MAP3K15: variants seen among roughly 807,000 people sequenced by gnomAD.
The protein encoded by MAP3K15 is mitogen-activated protein kinase kinase kinase 15.
Under a neutral mutation model 99.5 loss-of-function variants are expected in MAP3K15, and 124 were observed. That is an observed-to-expected ratio of 1.25 (90% CI 1.08 to 1.45). The LOEUF (loss-of-function observed/expected upper bound fraction) is 1.45, where lower values mean the gene tolerates loss of function less well. MAP3K15 is among the 40% of genes most tolerant of loss of function. The pLI, the probability that MAP3K15 is intolerant of heterozygous loss-of-function variation, is 0.00. For synonymous variants in MAP3K15, 494 were observed against 439.6 expected (o/e 1.12, Z -1.55); for missense variants, 1,242 against 1,079.7 (o/e 1.15, Z -2.11).
intron 11 of MAP3K15, among the ~76,000 whole-genome samples, chrX:19,410,895 T>C (rs759588902): frequency 2.7e-5 from 3 of 111,436 alleles, no homozygotes; most frequent in African/African-American, 9.8e-5. Flanking sequence ...GGAAAATCCA[T>C]TTGGGCCAGG....
At chrX:19,376,368 C>A (rs1443894397) in intron 19 of MAP3K15, among the ~76,000 whole-genome samples, 1 of 110,657 alleles carries the variant, frequency 9.0e-6, no homozygotes, top group Non-Finnish European at 1.9e-5. Flanking sequence ...ATGCACCCCC[C>A]TCTCTCCTCT....
chrX:19,467,967 C>T (rs766821954), intron 3 of MAP3K15, among the ~76,000 whole-genome samples: 16 of 111,821 alleles, frequency 1.4e-4, no homozygotes, highest in Admixed American at 1.3e-3. Flanking sequence ...GCTGTTGCCC[C>T]CAGCCAGCAC....
At chrX:19,463,473 C>A (rs182025773) in intron 4 of MAP3K15, among the ~76,000 whole-genome samples, 1 of 111,646 alleles carries the variant, frequency 9.0e-6, no homozygotes, top group East Asian at 2.8e-4. Context: ...ACACAACTTA[C>A]AGGAATAAAT....
chrX:19,390,883 A>T (rs1881555774), intron 18 of MAP3K15, among the ~76,000 whole-genome samples: 1 of 110,136 alleles, frequency 9.1e-6, no homozygotes, highest in African/African-American at 3.3e-5. Flanking sequence ...TCTTTACGTT[A>T]CTCCTTGGGG....
chrX:19,373,671 G>T lies in MAP3K15; in HGVS notation c.2798C>A (p.Ala933Asp). Residue 933 changes from alanine (A) to aspartate (D), a missense_variant, in exon 21 of 29, where the codon GCC becomes GAC. Ala to Asp is a moderately radical substitution (Grantham distance 126). Coordinates refer to ENST00000338883, the MANE Select transcript of MAP3K15 (RefSeq NM_001001671.4). ...CATGGGCTCTCCCTGTGTGGGCAGG[G>T]CCAGGACGACACCGCGGGGACCTTC... Reference protein sequence around the residue: ...PSEGPRGVVLALPTQGEPMAT... With the variant: ...PSEGPRGVVLDLPTQGEPMAT... 1 of 1,200,959 alleles carries T rather than the reference G, an allele frequency of 8.3e-7. No individual in the cohort carries two copies.
At position 19,361,350 on chromosome X, in the gene MAP3K15, G is replaced by T. The variant is rs763409232; in HGVS notation, c.3846C>A (p.Tyr1282Ter). 2.5e-6 allele frequency: 3 copies of T among 1,203,761 alleles called. No homozygotes were observed. Among genetic ancestry groups the T allele is most frequent in the East Asian group, 5.9e-5 (2 of 33,842 alleles). Residue 1282 changes from tyrosine to a stop codon, truncating the protein, a stop_gained, in exon 28 of 29, where the codon TAC (tyrosine) becomes TAA (stop). Transcript: ENST00000338883. LOFTEE classifies it low-confidence loss of function (END_TRUNC). Reference sequence around the variant, plus strand: ...TTTGAGGCTCTTACCGTAGTCGAAGGTATCTTAGATCTTCCTTAGTGATCT... The same window carrying T: ...TTTGAGGCTCTTACCGTAGTCGAAGTTATCTTAGATCTTCCTTAGTGATCT... ...LNEITKEDLRYLRLRGGLLCR... is the reference protein window; with the variant it reads ...LNEITKEDLR
At position 19,464,259 on chromosome X, in the gene MAP3K15, C is replaced by G; in HGVS notation, c.673G>C (p.Val225Leu). The G allele has an allele frequency of 8.3e-7, 1 of 1,200,165 alleles. No homozygotes were observed. Among genetic ancestry groups the G allele is most frequent in the Non-Finnish European group, 1.1e-6 (1 of 895,202 alleles). Reference sequence around the variant, plus strand: ...TTAAGGAGGCTAATGAACCTGTCCACCAAAGGCATGCACAGCGGGCCCAGG... The same window carrying G: ...TTAAGGAGGCTAATGAACCTGTCCAGCAAAGGCATGCACAGCGGGCCCAGG... ...NILGPLCMPL[V>L]DRFISLLKDI... The change falls in exon 4 of 29, where the codon GTG (valine) becomes CTG (leucine). Residue 225 changes from valine to leucine, a missense_variant. Val to Leu is a conservative substitution (Grantham distance 32, BLOSUM62 1). Coordinates refer to ENST00000338883, the MANE Select transcript of MAP3K15 (RefSeq NM_001001671.4).
chrX:19,369,864 C>T (rs1309239927), intron 24 of MAP3K15, among the ~76,000 whole-genome samples: 1 of 109,278 alleles, frequency 9.2e-6, no homozygotes, highest in African/African-American at 3.3e-5. Context: ...GAGGCGAGAT[C>T]GCATCATTGC....
chrX:19,417,740 C>T (rs554817235), intron 9 of MAP3K15, among the ~76,000 whole-genome samples: 1 of 112,099 alleles, frequency 8.9e-6, no homozygotes, highest in East Asian at 2.8e-4. Context: ...GGACAGACTG[C>T]CTCCTCAAGT....
At chrX:19,466,627 C>G (rs964942513) in intron 3 of MAP3K15, 3 of 112,244 alleles carry the variant, frequency 2.7e-5, no homozygotes, top group African/African-American at 9.7e-5. Flanking sequence ...CAGTCTTGGA[C>G]AGTTCTTTAT....
At chrX:19,460,917 G>A (rs960002336) in intron 4 of MAP3K15, among the ~76,000 whole-genome samples, 2 of 110,049 alleles carry the variant, frequency 1.8e-5, no homozygotes, top group African/African-American at 6.6e-5. Context: ...TGGGACTATA[G>A]GCATGTGCCA....
intron 5 of MAP3K15, among the ~76,000 whole-genome samples, chrX:19,457,544 G>A (rs1371189501): frequency 1.8e-5 from 2 of 111,677 alleles, no homozygotes; most frequent in Non-Finnish European, 3.8e-5. Context: ...CCTGAGAGGC[G>A]GAGGTTGCAG....
chrX:19,420,523 T>G (rs1395751386), intron 9 of MAP3K15, among the ~76,000 whole-genome samples: 1 of 111,062 alleles, frequency 9.0e-6, no homozygotes, highest in African/African-American at 3.3e-5. Flanking sequence ...AATAACAGGC[T>G]CTGAAATTGA....
At chrX:19,471,110 C>T (rs2064205124) in intron 3 of MAP3K15, among the ~76,000 whole-genome samples, 1 of 110,746 alleles carries the variant, frequency 9.0e-6, no homozygotes, top group Admixed American at 9.7e-5. Flanking sequence ...ATCTGAAGAA[C>T]AAGACAGAAA....
chrX:19,390,448 T>C (rs190748354), intron 18 of MAP3K15, among the ~76,000 whole-genome samples: 2 of 102,484 alleles, frequency 2.0e-5, no homozygotes, highest in Non-Finnish European at 3.9e-5. Flanking sequence ...GCTGGGACCA[T>C]AGGCGCACAC....
At chrX:19,457,534 C>A (rs1162893863) in intron 5 of MAP3K15, among the ~76,000 whole-genome samples, 2 of 111,599 alleles carry the variant, frequency 1.8e-5, no homozygotes, top group African/African-American at 6.5e-5. Flanking sequence ...ATTGATTGAA[C>A]CTGAGAGGCG....
intron 11 of MAP3K15, among the ~76,000 whole-genome samples, chrX:19,412,485 A>T (rs1026582148): frequency 2.7e-5 from 3 of 111,382 alleles, no homozygotes; most frequent in African/African-American, 9.8e-5. Context: ...GGAAGAAGGA[A>T]ATCCCAAAAG....
At chrX:19,495,365 C>T (rs2147413190) in intron 1 of MAP3K15, among the ~76,000 whole-genome samples, 1 of 111,384 alleles carries the variant, frequency 9.0e-6, no homozygotes, top group African/African-American at 3.3e-5. Flanking sequence ...GCCAATATAC[C>T]AATTCAGTGT....
rs185121038 is a variant in MAP3K15, at chrX:19,425,462, A to G, written c.1439+69T>C. 1.8e-5 allele frequency: 19 copies of G among 1,031,222 alleles called. 1 individual carries two copies. The African/African-American group carries it at 2.1e-4, about 11-fold the overall frequency. The allele number at this position is 1,031,222 out of a possible 1,213,427, so 85.0% of individuals were successfully genotyped here. A position where few individuals can be genotyped will look rare whatever the true frequency, so the allele number is the denominator to read the frequency against. ...AGTCAGAAGGAGAAACATAGTGATT[A>G]TAAGGAAGACATTTCAGAACAAGAT... On this transcript the variant is annotated intron_variant, in intron 9 of 28. Transcript: ENST00000338883.
Sources: gnomAD v4.1 joint callset for allele counts (sites outside exome capture counted in the v4.1 genomes callset) on GRCh38, gnomAD v4.1.1 for gene constraint, MANE v1.5 for transcripts, NCBI Gene and HGNC (gene_info 2026-07-23, HGNC 2026-07-21) for gene names.